The following CNTN1 variants were observed in gnomAD, a reference collection of about 807,000 sequenced individuals.
CNTN1 encodes the protein contactin-1.
CNTN1 carries 38 observed loss-of-function variants against 126.4 expected under a neutral mutation model. The ratio of observed to expected loss-of-function variants is 0.30; its 90% confidence interval spans 0.23 to 0.39. The LOEUF (loss-of-function observed/expected upper bound fraction) is 0.39. Ranked by LOEUF, CNTN1 falls within the 10% of genes least tolerant of loss-of-function variation. The pLI is 1.00. For synonymous variants in CNTN1, 413 were observed against 422.6 expected (o/e 0.98, Z 0.28); for missense variants, 1,009 against 1,248.4 (o/e 0.81, Z 2.89).
chr12:40,866,368 A>C (rs1049651791), intron 1 of CNTN1, among the ~76,000 whole-genome samples: 2 of 152,140 alleles, frequency 1.3e-5, no homozygotes, highest in East Asian at 3.9e-4. Context: ...GTGGTGAAAG[A>C]GACATCTTTG....
At chr12:40,991,991 G>T (rs11179347) in intron 16 of CNTN1, among the ~76,000 whole-genome samples, 39,747 of 152,112 alleles carry the variant, frequency 0.26, 5,531 homozygotes, top group Middle Eastern at 0.35. Context: ...AACAGTTTCC[G>T]ATTTGGTGTG....
At chr12:40,790,046 CAT>C (rs1387248241) in intron 1 of CNTN1, among the ~76,000 whole-genome samples, 2 of 152,104 alleles carry the variant, frequency 1.3e-5, no homozygotes, top group Admixed American at 6.6e-5. Flanking sequence ...GATCTTCCCA[CAT>C]GTGTGCTGCC....
chr12:40,797,709 A>C (rs1940491635), intron 1 of CNTN1, among the ~76,000 whole-genome samples: 1 of 152,060 alleles, frequency 6.6e-6, no homozygotes, highest in Non-Finnish European at 1.5e-5. Flanking sequence ...GCAATCATTC[A>C]AGCAAGGGAA....
At position 40,901,082 on chromosome 12, in the gene CNTN1, G is replaced by C. The variant is rs570913554; in HGVS notation, c.-76-7275G>C. ...TTAAAATCTTATAAGCCACTAACTT[G>C]TACATTTTCGTATCTGATCCTGACC... is the stretch of plus-strand genomic sequence containing the variant. On this transcript the variant is annotated intron_variant, in intron 1 of 23. Transcript: ENST00000551295. Among the ~76,000 whole-genome samples, 7 of 152,250 alleles carry C rather than the reference G, an allele frequency of 4.6e-5. No individual in the cohort carries two copies. The South Asian group carries it at 1.5e-3, about 32-fold the overall frequency.
intron 1 of CNTN1, among the ~76,000 whole-genome samples, chr12:40,885,947 G>A (rs1298521786): frequency 6.6e-6 from 1 of 151,990 alleles, no homozygotes; most frequent in Non-Finnish European, 1.5e-5. Flanking sequence ...CATCAATCGT[G>A]TGTTTGTTAA....
At chr12:40,820,556 G>T (rs1346431421) in intron 1 of CNTN1, among the ~76,000 whole-genome samples, 1 of 152,204 alleles carries the variant, frequency 6.6e-6, no homozygotes, top group East Asian at 1.9e-4. Context: ...CAGTGGTCTG[G>T]AACATGGGTA....
chr12:40,843,987 T>C (rs1487472467), intron 1 of CNTN1, among the ~76,000 whole-genome samples: 1 of 151,906 alleles, frequency 6.6e-6, no homozygotes. Context: ...TGGATGAGAC[T>C]TTTGCAGGAG....
At chr12:41,012,686 C>G (rs1450652301) in intron 17 of CNTN1, among the ~76,000 whole-genome samples, 1 of 152,160 alleles carries the variant, frequency 6.6e-6, no homozygotes, top group Non-Finnish European at 1.5e-5. Flanking sequence ...AAGCCTGTCC[C>G]CCAAGTCTTA....
intron 1 of CNTN1, among the ~76,000 whole-genome samples, chr12:40,874,053 A>G (rs183137354): frequency 6.6e-6 from 1 of 152,070 alleles, no homozygotes; most frequent in African/African-American, 2.4e-5. Flanking sequence ...TATTTAGTAA[A>G]TGCCTACCAT....
chr12:40,818,377 T>C (rs1296135264), intron 1 of CNTN1, among the ~76,000 whole-genome samples: 4 of 152,190 alleles, frequency 2.6e-5, no homozygotes, highest in Non-Finnish European at 5.9e-5. Flanking sequence ...TTTCATTCTT[T>C]TTTTCTCTAT....
chr12:41,042,431 G>A (rs1255447310), intron 23 of CNTN1, among the ~76,000 whole-genome samples: 1 of 152,012 alleles, frequency 6.6e-6, no homozygotes, highest in East Asian at 1.9e-4. Flanking sequence ...TGTCTATTAG[G>A]TCCGCTTGGT....
intron 15 of CNTN1, 26 bp from the exon 16 acceptor site, chr12:40,980,883 A>T: frequency 6.2e-7 from 1 of 1,610,980 alleles, no homozygotes; most frequent in South Asian, 1.1e-5. Context: ...GAATTCACTG[A>T]TTCATTACCC....
At chr12:40,821,966 AAAAT>A (rs1565785246) in intron 1 of CNTN1, among the ~76,000 whole-genome samples, 3 of 142,016 alleles carry the variant, frequency 2.1e-5, no homozygotes, top group African/African-American at 9.3e-5. Context: ...ATTCAAAAAC[AAAAT>A]CAAAATTTGT....
At chr12:40,880,743 G>A (rs917128018) in intron 1 of CNTN1, among the ~76,000 whole-genome samples, 4 of 151,896 alleles carry the variant, frequency 2.6e-5, no homozygotes, top group African/African-American at 9.7e-5. Context: ...ATGGCTGTAC[G>A]AATACTCTGG....
At chr12:40,761,449 T>C (rs910476536) in intron 1 of CNTN1, among the ~76,000 whole-genome samples, 1 of 152,120 alleles carries the variant, frequency 6.6e-6, no homozygotes, top group Non-Finnish European at 1.5e-5. Context: ...AAAGTTTTAG[T>C]AAACTATTTT....
intron 1 of CNTN1, among the ~76,000 whole-genome samples, chr12:40,795,289 ACACACACACACACACACACACACACACAC>A (rs1352718073): frequency 6.3e-5 from 4 of 63,600 alleles, no homozygotes; most frequent in African/African-American, 2.7e-4. Context: ...ACACACACAC[ACACACACACACACACACACACACACACAC>A]ATTTTTTTTT....
chr12:40,747,366 G>A (rs1287183093), intron 1 of CNTN1, among the ~76,000 whole-genome samples: 2 of 150,928 alleles, frequency 1.3e-5, no homozygotes, highest in Non-Finnish European at 3.0e-5. Context: ...GTCAGAGAAG[G>A]TATCTTCAGA....
At chr12:40,746,957 A>T (rs554939908) in intron 1 of CNTN1, among the ~76,000 whole-genome samples, 1 of 152,120 alleles carries the variant, frequency 6.6e-6, no homozygotes, top group African/African-American at 2.4e-5. Context: ...TACTTTAGAG[A>T]GGCAGTGTGA....
chr12:40,875,133 T>C (rs945681649), intron 1 of CNTN1, among the ~76,000 whole-genome samples: 4 of 152,184 alleles, frequency 2.6e-5, no homozygotes, highest in African/African-American at 4.8e-5. Context: ...TCTTTCCAGA[T>C]AAATTGACTC....
Sources: gnomAD v4.1 joint callset for allele counts (sites outside exome capture counted in the v4.1 genomes callset) on GRCh38, gnomAD v4.1.1 for gene constraint, MANE v1.5 for transcripts, NCBI Gene and HGNC (gene_info 2026-07-23, HGNC 2026-07-21) for gene names.